CSMD3: variants seen among roughly 807,000 people sequenced by gnomAD.
The protein encoded by CSMD3 is CUB and sushi domain-containing protein 3.
In CSMD3, 177 loss-of-function variants were observed where a neutral mutation model predicts 435.2. That is an observed-to-expected ratio of 0.41 (90% confidence interval 0.36 to 0.46). The LOEUF (loss-of-function observed/expected upper bound fraction) is 0.46, where lower values mean the gene tolerates loss of function less well. CSMD3 is among the 20% of genes least tolerant of loss of function. The probability of loss-of-function intolerance (pLI) is 0.34; values close to 1 mark genes in which losing one functional copy is unlikely to be tolerated. For synonymous variants in CSMD3, 1,656 were observed against 1,520.5 expected (o/e 1.09, Z -2.07); for missense variants, 4,265 against 4,504.6 (o/e 0.95, Z 1.52).
intron 51 of CSMD3, among the ~76,000 whole-genome samples, chr8:112,305,206 G>A (rs1006433976): frequency 2.6e-5 from 4 of 152,044 alleles, no homozygotes; most frequent in African/African-American, 9.7e-5. Flanking sequence ...TTCTTTATAA[G>A]TTTAGAAAAG....
At chr8:112,263,892 GA>G (rs1816683320) in intron 60 of CSMD3, 80 bp from the exon 61 acceptor site, 2 of 1,246,986 alleles carry the variant, frequency 1.6e-6, no homozygotes, top group Admixed American at 3.4e-5. Flanking sequence ...ATCATTAGAA[GA>G]AGCACATGTG....
intron 22 of CSMD3, among the ~76,000 whole-genome samples, chr8:112,624,863 A>G (rs1834354863): frequency 6.6e-6 from 1 of 151,966 alleles, no homozygotes; most frequent in Non-Finnish European, 1.5e-5. Context: ...AGACTCACAA[A>G]TGAGATGCCC....
chr8:112,717,518 T>C (rs931552473), intron 13 of CSMD3, among the ~76,000 whole-genome samples: 1 of 152,108 alleles, frequency 6.6e-6, no homozygotes, highest in South Asian at 2.1e-4. Context: ...TCCTCAAGGA[T>C]CTAGAACCAG....
At position 112,667,423 on chromosome 8, in the gene CSMD3, A is replaced by G. The variant is rs562962841; in HGVS notation, c.2678-1008T>C. On this transcript the variant is annotated intron_variant, in intron 16 of 70. Transcript: ENST00000297405. ...AGCTCACTCTTATTTCTCTAGCTCTATGGATTTCATCTTAGTTTAAAATAA... is the reference window on the plus strand; with the variant it reads ...AGCTCACTCTTATTTCTCTAGCTCTGTGGATTTCATCTTAGTTTAAAATAA... Among the ~76,000 whole-genome samples, 6 of 152,300 alleles carry G rather than the reference A, an allele frequency of 3.9e-5. No individual in the cohort carries two copies. The East Asian group carries it at 7.7e-4, about 20-fold the overall frequency.
chr8:112,778,984 G>C (rs1020949259), intron 13 of CSMD3, among the ~76,000 whole-genome samples: 6 of 151,710 alleles, frequency 4.0e-5, no homozygotes, highest in African/African-American at 7.3e-5. Flanking sequence ...TCTTTTTCCA[G>C]TCTGTTCATA....
At chr8:112,913,788 A>G (rs1018072156) in intron 10 of CSMD3, among the ~76,000 whole-genome samples, 4 of 149,098 alleles carry the variant, frequency 2.7e-5, no homozygotes, top group Admixed American at 6.7e-5. Context: ...TTCAATCTCT[A>G]TGTCTGTCTT....
At chr8:112,482,397 T>G (rs1443293192) in intron 31 of CSMD3, among the ~76,000 whole-genome samples, 1 of 152,228 alleles carries the variant, frequency 6.6e-6, no homozygotes, top group Non-Finnish European at 1.5e-5. Flanking sequence ...TTTACATACA[T>G]AAAATTCACT....
At chr8:112,954,269 T>C (rs1358458018) in intron 8 of CSMD3, among the ~76,000 whole-genome samples, 2 of 151,584 alleles carry the variant, frequency 1.3e-5, no homozygotes, top group East Asian at 3.8e-4. Context: ...TGAAAATTGC[T>C]ATCTTAAAAG....
intron 3 of CSMD3, among the ~76,000 whole-genome samples, chr8:113,275,038 G>T (rs994835855): frequency 6.6e-6 from 1 of 151,934 alleles, no homozygotes; most frequent in African/African-American, 2.4e-5. Context: ...TGTCCCCATA[G>T]AATTGAAATG....
rs1227076206 is a variant in CSMD3 at position 112,552,654 on chromosome 8, G to A, written c.4301C>T (p.Pro1434Leu). The A allele has an allele frequency of 6.2e-7, 1 of 1,611,864 alleles. No homozygotes were observed. The highest frequency in any genetic ancestry group is 8.5e-7 in the Non-Finnish European group (1 of 1,178,628). Residue 1434 changes from proline (P) to leucine (L), a missense_variant, in exon 26 of 71, where the codon CCA (proline) becomes CTA (leucine). Pro to Leu is a moderately conservative substitution (Grantham distance 98). Transcript: ENST00000297405. ...GRILSPGYPF[P>L]YDNNLRCMWM... ...CATGCAACGCAGGTTATTGTCATAT[G>A]GAAAAGGATAGCCAGGAGATAAGAT...
rs375798530 is a variant in CSMD3 at position 113,033,309 on chromosome 8, G to A, written c.918-14130C>T. 1.2e-3 allele frequency among the ~76,000 whole-genome samples: 181 copies of A among 151,704 alleles called. 2 individuals are homozygous for A. Among genetic ancestry groups the A allele is most frequent in the African/African-American group, 4.1e-3 (172 of 41,506 alleles). On this transcript the variant is annotated intron_variant, in intron 5 of 70. Coordinates refer to ENST00000297405, the MANE Select transcript of CSMD3 (RefSeq NM_198123.2). The stretch of plus-strand genomic sequence containing the variant: ...TGCCAGCCATGAAAGCAGCCGCAGG[G>A]GCTGTACCCTGCAGAGCCACAGGGG...
chr8:112,231,472 G>T, intron 69 of CSMD3, 73 bp downstream of exon 69: 1 of 946,578 alleles, frequency 1.1e-6, no homozygotes, highest in Non-Finnish European at 1.7e-6. Flanking sequence ...CTAATGTACA[G>T]AATCCACAGT....
intron 1 of CSMD3, among the ~76,000 whole-genome samples, chr8:113,432,804 G>T (rs2094683036): frequency 6.6e-6 from 1 of 152,172 alleles, no homozygotes; most frequent in South Asian, 2.1e-4. Flanking sequence ...AGCGCCACTG[G>T]CCATCTGGAG....
At chr8:112,771,470 T>C (rs1338317675) in intron 13 of CSMD3, among the ~76,000 whole-genome samples, 1 of 151,404 alleles carries the variant, frequency 6.6e-6, no homozygotes. Context: ...AACCAGGAGG[T>C]GGAGGTTGCA....
Position 113,135,123 on chromosome 8 carries a change from T to C in CSMD3, c.710-36160A>G, listed in dbSNP as rs188142192. Among the ~76,000 whole-genome samples the C allele has an allele frequency of 3.9e-3, 589 of 152,118 alleles. 8 individuals carry two copies. Among genetic ancestry groups the C allele is most frequent in the African/African-American group, 0.014 (567 of 41,548 alleles). On this transcript the variant is annotated intron_variant, in intron 4 of 70. Transcript: ENST00000297405. The stretch of plus-strand genomic sequence containing the variant: ...GCTAACTTGAGTTTAGGTAAGAACA[T>C]TGAAACCAGAGCAGACTGTTTTGAA...
chr8:112,294,614 C>T (rs564459391), intron 54 of CSMD3, among the ~76,000 whole-genome samples: 36 of 152,066 alleles, frequency 2.4e-4, no homozygotes, highest in African/African-American at 7.7e-4. Flanking sequence ...ATAATAAGTG[C>T]ACAATGGCCA....
chr8:112,661,463 A>T (rs2075377893), intron 17 of CSMD3, among the ~76,000 whole-genome samples: 1 of 152,162 alleles, frequency 6.6e-6, no homozygotes, highest in Admixed American at 6.6e-5. Flanking sequence ...CCAAAATCAA[A>T]TGTCAGAGTA....
intron 28 of CSMD3, among the ~76,000 whole-genome samples, chr8:112,507,300 G>T (rs1002961453): frequency 2.0e-5 from 3 of 152,146 alleles, no homozygotes; most frequent in East Asian, 1.9e-4. Flanking sequence ...TCAAACAAAG[G>T]TTTCCATAAC....
At chr8:113,105,205 A>G (rs940829788) in intron 4 of CSMD3, among the ~76,000 whole-genome samples, 1 of 152,058 alleles carries the variant, frequency 6.6e-6, no homozygotes, top group Non-Finnish European at 1.5e-5. Flanking sequence ...AATATATATA[A>G]TAACTGTTTT....
Sources: gnomAD v4.1 joint callset for allele counts (sites outside exome capture counted in the v4.1 genomes callset) on GRCh38, gnomAD v4.1.1 for gene constraint, MANE v1.5 for transcripts, NCBI Gene and HGNC (gene_info 2026-07-23, HGNC 2026-07-21) for gene names.